The following TSPAN3 variants were observed in gnomAD, a reference collection of about 807,000 sequenced individuals.
TSPAN3 encodes tetraspanin 3.
TSPAN3 carries 9 observed loss-of-function variants against 31.1 expected under a neutral mutation model. The observed-to-expected ratio is 0.29, with a 90% CI of 0.17 to 0.50. The LOEUF (loss-of-function observed/expected upper bound fraction) is 0.50, where lower values mean the gene tolerates loss of function less well. Ranked by LOEUF, TSPAN3 falls within the 20% of genes least tolerant of loss-of-function variation. The pLI, the probability that TSPAN3 is intolerant of heterozygous loss-of-function variation, is 0.98. For synonymous variants in TSPAN3, 129 were observed against 114.3 expected (o/e 1.13, Z -0.82); for missense variants, 252 against 313.5 (o/e 0.80, Z 1.48).
At position 77,052,408 on chromosome 15, in the gene TSPAN3, C is replaced by T. The variant is rs751997644; in HGVS notation, c.646G>A (p.Ala216Thr). 20 of 1,614,194 alleles carry T rather than the reference C, an allele frequency of 1.2e-5. No homozygotes were observed. The South Asian group carries it at 2.0e-4, about 16-fold the overall frequency. Residue 216 changes from alanine to threonine, a missense_variant, in exon 6 of 7, where the codon GCA becomes ACA. Physicochemically the swap from Ala to Thr is moderately conservative, Grantham distance 58 (BLOSUM62 0). Coordinates refer to ENST00000267970, the MANE Select transcript of TSPAN3 (RefSeq NM_005724.6). ...QEIMMHVIWA[A>T]LAFAAIQLLG... ...ACCTGAATAGCTGCAAATGCCAGTG[C>T]GGCCCAGATCACATGCATCATGATT...
At chr15:77,060,413 GA>G (rs2076794092) in intron 1 of TSPAN3, among the ~76,000 whole-genome samples, 1 of 152,154 alleles carries the variant, frequency 6.6e-6, no homozygotes. Flanking sequence ...AGTAGCAGCT[GA>G]AGACCTAAAA....
At chr15:77,055,585 CA>C in intron 3 of TSPAN3, 1 of 465,822 alleles carries the variant, frequency 2.1e-6, no homozygotes, top group Non-Finnish European at 3.8e-6. Context: ...AAGAACAATA[CA>C]TATATAACAC....
intron 2 of TSPAN3, 93 bp from the exon 3 acceptor site, chr15:77,055,956 A>G: frequency 1.3e-6 from 2 of 1,520,074 alleles, no homozygotes; most frequent in Non-Finnish European, 8.9e-7. Flanking sequence ...GATAATTGCT[A>G]GAAGTTTAAA....
At chr15:77,050,164 C>A (rs1284872781) in intron 6 of TSPAN3, among the ~76,000 whole-genome samples, 1 of 152,230 alleles carries the variant, frequency 6.6e-6, no homozygotes, top group Non-Finnish European at 1.5e-5. Context: ...AGGTTTTCCA[C>A]ACCCAGGGCA....
chr15:77,055,168 T>C (rs970041223), intron 3 of TSPAN3: 3 of 152,226 alleles, frequency 2.0e-5, no homozygotes, highest in African/African-American at 7.2e-5. Context: ...CCTCTAAAAT[T>C]ATACCCATAT....
intron 1 of TSPAN3, 90 bp downstream of exon 1, chr15:77,070,802 C>T: frequency 5.1e-6 from 4 of 788,566 alleles, no homozygotes; most frequent in Non-Finnish European, 6.1e-6. Context: ...CGCGCGCCCG[C>T]CCAGGCCCAA....
At chr15:77,059,869 C>T (rs2076790248) in intron 1 of TSPAN3, among the ~76,000 whole-genome samples, 1 of 152,150 alleles carries the variant, frequency 6.6e-6, no homozygotes, top group Non-Finnish European at 1.5e-5. Context: ...AAAGAGGTTC[C>T]TATGAGACTC....
chr15:77,056,571 C>T (rs913927650), intron 1 of TSPAN3, among the ~76,000 whole-genome samples: 3 of 152,058 alleles, frequency 2.0e-5, no homozygotes, highest in East Asian at 3.8e-4. Context: ...ACATCCAATA[C>T]GGATCAGTAT....
intron 3 of TSPAN3, chr15:77,054,486 A>G (rs1278099481): frequency 2.6e-6 from 1 of 390,516 alleles, no homozygotes; most frequent in Non-Finnish European, 4.7e-6. Context: ...AAATTCAGAC[A>G]TATACCACAT....
chr15:77,061,718 A>G (rs1021848496), intron 1 of TSPAN3, among the ~76,000 whole-genome samples: 1 of 152,208 alleles, frequency 6.6e-6, no homozygotes, highest in African/African-American at 2.4e-5. Flanking sequence ...AGGCGAAAGC[A>G]TCCCACAGGA....
Position 77,045,019 on chromosome 15 carries a change from T to C in TSPAN3, c.*1816A>G, listed in dbSNP as rs772569672. ...CACTTTGTGAAAAGGAGTTAGTTTT[T>C]ACTCCTCTCCTTTCCCGTGTCTTCT... On this transcript the variant is annotated 3_prime_UTR_variant, in exon 7 of 7. Coordinates refer to ENST00000267970, the MANE Select transcript of TSPAN3 (RefSeq NM_005724.6). The C allele has an allele frequency of 5.9e-5, 9 of 152,176 alleles. No homozygotes were observed. The highest frequency in any genetic ancestry group is 1.0e-4 in the Non-Finnish European group (7 of 68,042). 9.4% of individuals were successfully genotyped at this position (152,176 alleles called of 1,614,324 possible). A position where few individuals can be genotyped will look rare whatever the true frequency, so the allele number is the denominator to read the frequency against.
chr15:77,053,430 A>G (rs2076744684), intron 4 of TSPAN3, among the ~76,000 whole-genome samples: 1 of 138,920 alleles, frequency 7.2e-6, no homozygotes, highest in East Asian at 2.1e-4. Flanking sequence ...CCTGGGCAAC[A>G]AGAGTGAAAT....
At chr15:77,065,751 T>A (rs1198793024) in intron 1 of TSPAN3, among the ~76,000 whole-genome samples, 3 of 152,226 alleles carry the variant, frequency 2.0e-5, no homozygotes, top group African/African-American at 7.2e-5. Context: ...AAAGGTTACA[T>A]ATGGCTTTCA....
intron 1 of TSPAN3, among the ~76,000 whole-genome samples, chr15:77,065,494 G>A (rs1288267909): frequency 2.0e-5 from 3 of 151,958 alleles, no homozygotes; most frequent in Non-Finnish European, 2.9e-5. Context: ...TGGCTCGATC[G>A]CCGCTCACTA....
intron 6 of TSPAN3, 57 bp downstream of exon 6, chr15:77,052,328 G>A (rs1199942900): frequency 1.4e-6 from 2 of 1,474,208 alleles, no homozygotes; most frequent in Admixed American, 1.7e-5. Context: ...AACCATTCAG[G>A]GCTGACAACA....
intron 4 of TSPAN3, among the ~76,000 whole-genome samples, chr15:77,053,247 G>A (rs1214971691): frequency 6.6e-6 from 1 of 151,824 alleles, no homozygotes; most frequent in Non-Finnish European, 1.5e-5. Flanking sequence ...TGTAATCCCA[G>A]CACTTTGGGA....
Position 77,056,141 on chromosome 15 carries a change from C to T in TSPAN3, c.178G>A (p.Val60Ile), listed in dbSNP as rs751686068. The T allele has an allele frequency of 4.3e-6, 7 of 1,613,670 alleles. No individual in the cohort carries two copies. The highest frequency in any genetic ancestry group is 5.9e-6 in the Non-Finnish European group (7 of 1,179,858). The change falls in exon 2 of 7, where the codon GTA (valine) becomes ATA (isoleucine). Residue 60 changes from valine to isoleucine, a missense_variant. Coordinates refer to ENST00000267970, the MANE Select transcript of TSPAN3 (RefSeq NM_005724.6). ...CCAATGATGAAAAGCAGGGCTCCTA[C>T]AGCTATGATCACTACAGCAGGGATG... ...TLIPAVVIIA[V>I]GALLFIIGLI...
At chr15:77,058,231 T>C (rs879503600) in intron 1 of TSPAN3, among the ~76,000 whole-genome samples, 4 of 152,322 alleles carry the variant, frequency 2.6e-5, no homozygotes, top group South Asian at 2.1e-4. Flanking sequence ...GATCAAGCCA[T>C]AGCCTTACTT....
rs1176653083 is a variant in TSPAN3 at position 77,045,069 on chromosome 15, CATG to C, written c.*1763_*1765del. ...TCCATTTTCAGGTGGGACAGATCTG[CATG>C]ATATTTGGGCATCTCAAAACTGACG... On this transcript the variant is annotated 3_prime_UTR_variant, in exon 7 of 7. Coordinates refer to ENST00000267970, the MANE Select transcript of TSPAN3 (RefSeq NM_005724.6). 1.3e-5 allele frequency: 2 copies of C among 152,136 alleles called. No individual in the cohort carries two copies. Among genetic ancestry groups the C allele is most frequent in the African/African-American group, 2.4e-5 (1 of 41,400 alleles). The allele number at this position is 152,136 out of a possible 1,614,324, so 9.4% of individuals were successfully genotyped here.
Sources: allele counts gnomAD v4.1 joint callset (sites outside exome capture counted in the v4.1 genomes callset), GRCh38; gene constraint gnomAD v4.1.1; transcripts MANE v1.5; gene names NCBI Gene and HGNC (gene_info 2026-07-23, HGNC 2026-07-21).